Variants in RAF1 observed in about 807,000 individuals in gnomAD.
The protein encoded by RAF1 is RAF proto-oncogene serine/threonine-protein kinase.
In RAF1, 27 loss-of-function variants were observed where a neutral mutation model predicts 81.1. The ratio of observed to expected loss-of-function variants is 0.33; its 90% CI spans 0.25 to 0.46. The LOEUF (loss-of-function observed/expected upper bound fraction) is 0.46, where lower values mean the gene tolerates loss of function less well. RAF1 is among the 20% of genes least tolerant of loss of function. The pLI, the probability that RAF1 is intolerant of heterozygous loss-of-function variation, is 1.00. For missense variants in RAF1, 598 were observed against 826.0 expected, an observed-to-expected ratio of 0.72 and a Z score of 3.38; for synonymous variants, 298 against 294.0, an observed-to-expected ratio of 1.01 and a Z score of -0.14.
At chr3:12,642,671 T>TATACACACACAC in intron 1 of RAF1, among the ~76,000 whole-genome samples, 2 of 117,060 alleles carry the variant, frequency 1.7e-5, no homozygotes, top group East Asian at 5.3e-4. Context: ...ACACCATCTC[T>TATACACACACAC]ACACACACAC....
chr3:12,602,611 C>G (rs745665263), intron 8 of RAF1, among the ~76,000 whole-genome samples: 10 of 152,144 alleles, frequency 6.6e-5, no homozygotes, highest in Non-Finnish European at 1.2e-4. Context: ...CCCACCCAGC[C>G]AATTCTGACC....
chr3:12,648,745 CA>C (rs35821519), intron 1 of RAF1, among the ~76,000 whole-genome samples: 166 of 142,756 alleles, frequency 1.2e-3, no homozygotes, highest in Admixed American at 1.1e-3. Flanking sequence ...GATTCTGCTT[CA>C]AAAAAAAAAA....
chr3:12,598,927 T>C (rs1351768813), intron 11 of RAF1, among the ~76,000 whole-genome samples: 1 of 152,148 alleles, frequency 6.6e-6, no homozygotes, highest in Non-Finnish European at 1.5e-5. Flanking sequence ...TTTTGCTTTA[T>C]TGTAATCTGA....
intron 11 of RAF1, chr3:12,592,090 A>G: frequency 2.3e-6 from 1 of 433,600 alleles, no homozygotes; most frequent in Non-Finnish European, 4.3e-6. Flanking sequence ...GACTCAAAAA[A>G]GTTACATAGG....
intron 8 of RAF1, among the ~76,000 whole-genome samples, chr3:12,602,948 T>C (rs2058908405): frequency 1.3e-5 from 2 of 152,186 alleles, no homozygotes. Flanking sequence ...TACTAATGTA[T>C]AAACAGAATA....
chr3:12,602,221 A>G (rs538700024), intron 8 of RAF1, among the ~76,000 whole-genome samples: 1 of 152,324 alleles, frequency 6.6e-6, no homozygotes, highest in East Asian at 1.9e-4. Context: ...ACTCAAGAGA[A>G]CTATGAATAA....
chr3:12,644,106 A>G (rs1354356037), intron 1 of RAF1, among the ~76,000 whole-genome samples: 1 of 152,212 alleles, frequency 6.6e-6, no homozygotes, highest in African/African-American at 2.4e-5. Flanking sequence ...AGAAAGCACA[A>G]CTATGTTCAA....
intron 1 of RAF1, among the ~76,000 whole-genome samples, chr3:12,640,276 C>G (rs1292063659): frequency 2.0e-5 from 3 of 152,110 alleles, no homozygotes; most frequent in Admixed American, 6.6e-5. Context: ...TACAAGAAAA[C>G]CTAGGCAATA....
At chr3:12,619,080 C>G in intron 1 of RAF1, among the ~76,000 whole-genome samples, 1 of 151,526 alleles carries the variant, frequency 6.6e-6, no homozygotes, top group East Asian at 2.0e-4. Context: ...CCCATCTCTA[C>G]TAAAAATACA....
intron 1 of RAF1, among the ~76,000 whole-genome samples, chr3:12,653,646 G>T (rs1345199178): frequency 7.9e-5 from 12 of 152,102 alleles, no homozygotes; most frequent in Middle Eastern, 3.4e-3. Flanking sequence ...TAGGGAGGCT[G>T]AGGCAGGAGA....
At chr3:12,661,651 C>T (rs1235748004) in intron 1 of RAF1, among the ~76,000 whole-genome samples, 1 of 151,868 alleles carries the variant, frequency 6.6e-6, no homozygotes, top group Non-Finnish European at 1.5e-5. Context: ...TGCAGTGAGC[C>T]GAGATCGCAT....
chr3:12,620,799 T>C (rs915124753), intron 1 of RAF1, among the ~76,000 whole-genome samples: 32 of 152,172 alleles, frequency 2.1e-4, no homozygotes, highest in Non-Finnish European at 3.5e-4. Context: ...ACAGAAGTCA[T>C]GCTACTTGCC....
chr3:12,618,137 T>C (rs1157961918), intron 2 of RAF1, among the ~76,000 whole-genome samples: 2 of 152,164 alleles, frequency 1.3e-5, no homozygotes, highest in East Asian at 3.8e-4. Context: ...TACTTGATTG[T>C]AATAGTCAAA....
Position 12,606,279 on chromosome 3 carries a change from A to G in RAF1, c.602T>C (p.Ile201Thr), listed in dbSNP as rs369852728. The change falls in exon 6 of 18, where the codon ATT becomes ACT. Residue 201 changes from isoleucine to threonine, a missense_variant. Around this residue, in one of 5 missense-constraint regions of RAF1, gnomAD observed 194 missense variants for 202.7 expected, o/e 0.96. Transcript: ENST00000442415. ...TAGTGCTGGGACTCCACTATCACCAATAGTGGAATTTGGAAACAATCTAAA... is the reference window on the plus strand; with the variant it reads ...TAGTGCTGGGACTCCACTATCACCAGTAGTGGAATTTGGAAACAATCTAAA... 1.2e-5 allele frequency: 19 copies of G among 1,613,232 alleles called. No homozygotes were observed. The highest frequency in any genetic ancestry group is 1.6e-5 in the Non-Finnish European group (19 of 1,179,216).
chr3:12,633,299 A>G (rs991847751), intron 1 of RAF1, among the ~76,000 whole-genome samples: 5 of 151,672 alleles, frequency 3.3e-5, no homozygotes, highest in African/African-American at 1.2e-4. Context: ...TGGACAACAC[A>G]GTAAGACCCT....
At chr3:12,643,097 G>C (rs1331962201) in intron 1 of RAF1, among the ~76,000 whole-genome samples, 1 of 152,098 alleles carries the variant, frequency 6.6e-6, no homozygotes, top group Admixed American at 6.6e-5. Context: ...ACACTGGTAA[G>C]GCAAGACACA....
intron 12 of RAF1, 96 bp from the exon 12 acceptor site, chr3:12,591,070 A>G: frequency 8.4e-7 from 1 of 1,187,838 alleles, no homozygotes; most frequent in Non-Finnish European, 1.2e-6. Flanking sequence ...TGCTGTCGAC[A>G]CCACCCCCAG....
chr3:12,639,388 A>G (rs548853808), intron 1 of RAF1, among the ~76,000 whole-genome samples: 160 of 152,318 alleles, frequency 1.1e-3, no homozygotes, highest in African/African-American at 2.7e-3. Flanking sequence ...CAGGCAAGAG[A>G]AAGAAATAAA....
Position 12,584,563 on chromosome 3 carries a change from T to C in RAF1, c.1958A>G (p.Asp653Gly). 1.2e-6 allele frequency: 2 copies of C among 1,614,182 alleles called. No individual in the cohort carries two copies. The highest frequency in any genetic ancestry group is 8.5e-7 in the Non-Finnish European group (1 of 1,180,042). ...CGTGGTCAGCGTGCAAGCATTGATA[T>C]CCTCAGTGTGGGCTGCCCGATGCAA... Residue 653 changes from aspartate to glycine, a missense_variant, in exon 18 of 18, where the codon GAT becomes GGT. Asp to Gly is a moderately conservative substitution (Grantham distance 94). Transcript: ENST00000442415.
Sources: allele counts gnomAD v4.1 joint callset (sites outside exome capture counted in the v4.1 genomes callset), GRCh38; gene constraint gnomAD v4.1.1; regional missense constraint gnomAD v4.1.1; transcripts MANE v1.5; gene names NCBI Gene and HGNC (gene_info 2026-07-23, HGNC 2026-07-21).